The following ACSL1 variants were observed in gnomAD, a reference collection of about 807,000 sequenced individuals.
ACSL1 encodes acyl-CoA synthetase long chain family member 1, also known as long-chain-fatty-acid--CoA ligase 1.
Under a neutral mutation model 98.4 loss-of-function variants are expected in ACSL1, and 41 were observed. The observed-to-expected ratio is 0.42, with a 90% CI of 0.32 to 0.54. The LOEUF is 0.54. Among genes scored for constraint, ACSL1 ranks in the 20% least tolerant of loss-of-function variants. The probability of loss-of-function intolerance (pLI) is 0.13; values close to 1 mark genes in which losing one functional copy is unlikely to be tolerated. For synonymous variants in ACSL1, 316 were observed against 322.7 expected (o/e 0.98, Z 0.22); for missense variants, 734 against 883.1 (o/e 0.83, Z 2.14).
intron 1 of ACSL1, chr4:184,815,030 A>C (rs542207214): frequency 4.4e-6 from 2 of 456,322 alleles, no homozygotes; most frequent in African/African-American, 4.0e-5. Flanking sequence ...AGTTTAGGAT[A>C]TCAATGAAGA....
At chr4:184,799,551 A>G (rs1470301733) in intron 2 of ACSL1, among the ~76,000 whole-genome samples, 1 of 152,120 alleles carries the variant, frequency 6.6e-6, no homozygotes, top group African/African-American at 2.4e-5. Flanking sequence ...TCCATTTTCA[A>G]AAGATCCTGC....
At chr4:184,762,336 A>G in intron 17 of ACSL1, 71 bp downstream of exon 17, 1 of 1,305,082 alleles carries the variant, frequency 7.7e-7, no homozygotes, top group Non-Finnish European at 1.1e-6. Context: ...TGGCAGCTGC[A>G]CAGTAGATAA....
Position 184,755,660 on chromosome 4 carries a change from T to C in ACSL1, c.*1465A>G, listed in dbSNP as rs780805700. 9.2e-5 allele frequency: 14 copies of C among 152,698 alleles called. No individual in the cohort carries two copies. The highest frequency in any genetic ancestry group is 1.6e-4 in the Non-Finnish European group (11 of 68,054). The allele number at this position is 152,698 out of a possible 1,614,324, so 9.5% of individuals were successfully genotyped here. On this transcript the variant is annotated 3_prime_UTR_variant, in exon 21 of 21. Coordinates refer to ENST00000281455, the MANE Select transcript of ACSL1 (RefSeq NM_001995.5). ...TGTTTTTGGAAATTTTGTTTTGGTTTATAAAACATAGAAATAGCCAACACT... is the reference window on the plus strand; with the variant it reads ...TGTTTTTGGAAATTTTGTTTTGGTTCATAAAACATAGAAATAGCCAACACT...
At chr4:184,812,972 C>T (rs770221435) in intron 1 of ACSL1, among the ~76,000 whole-genome samples, 17 of 152,070 alleles carry the variant, frequency 1.1e-4, no homozygotes, top group African/African-American at 2.9e-4. Flanking sequence ...AGCTAGTGGG[C>T]GGCCACCTGA....
chr4:184,815,175 T>C (rs1228725967), intron 1 of ACSL1: 1 of 450,868 alleles, frequency 2.2e-6, no homozygotes, highest in East Asian at 7.0e-5. Context: ...GGGAGGGCTG[T>C]CCAGAGAGCT....
intron 1 of ACSL1, among the ~76,000 whole-genome samples, chr4:184,810,309 C>CT: frequency 6.6e-6 from 1 of 152,230 alleles, no homozygotes; most frequent in Non-Finnish European, 1.5e-5. Flanking sequence ...AAGGTGCCCT[C>CT]TCTCCCCGAG....
chr4:184,764,846 G>A lies in ACSL1; in HGVS notation c.1432+7C>T. 1.2e-6 allele frequency: 2 copies of A among 1,612,662 alleles called. No individual in the cohort carries two copies. The highest frequency in any genetic ancestry group is 1.7e-6 in the Non-Finnish European group (2 of 1,179,388). On this transcript the variant is annotated splice_region_variant and intron_variant, in intron 15 of 20. Coordinates refer to ENST00000281455, the MANE Select transcript of ACSL1 (RefSeq NM_001995.5). ...AAATTCCAAAAAGGAGCCTCCTACA[G>A]CCATACCTGCGGTCCAGTCTCCAGG... is the stretch of plus-strand genomic sequence containing the variant.
intron 1 of ACSL1, among the ~76,000 whole-genome samples, chr4:184,809,361 A>T (rs550857814): frequency 1.3e-5 from 2 of 152,212 alleles, no homozygotes; most frequent in Non-Finnish European, 2.9e-5. Context: ...GATCTCAAAC[A>T]CAATATGTCG....
At chr4:184,799,973 T>G (rs1005165015) in intron 2 of ACSL1, among the ~76,000 whole-genome samples, 3 of 152,190 alleles carry the variant, frequency 2.0e-5, no homozygotes, top group African/African-American at 7.2e-5. Flanking sequence ...CCCAAAGCCC[T>G]AGTTATAATA....
intron 5 of ACSL1, among the ~76,000 whole-genome samples, chr4:184,777,988 T>C (rs865887909): frequency 2.0e-5 from 3 of 152,004 alleles, no homozygotes; most frequent in Non-Finnish European, 4.4e-5. Context: ...CTGTATGCCC[T>C]GGAATAGGGG....
chr4:184,801,142 A>C (rs931454896), intron 2 of ACSL1, among the ~76,000 whole-genome samples: 1 of 152,128 alleles, frequency 6.6e-6, no homozygotes, highest in Non-Finnish European at 1.5e-5. Flanking sequence ...AGCATGTGCC[A>C]CTGCACCCAG....
intron 15 of ACSL1, among the ~76,000 whole-genome samples, chr4:184,763,533 T>A (rs1763154735): frequency 6.6e-6 from 1 of 152,198 alleles, no homozygotes; most frequent in South Asian, 2.1e-4. Context: ...TACAAACACC[T>A]GGAAGCAGCC....
At chr4:184,823,943 T>C (rs906932435) in intron 1 of ACSL1, among the ~76,000 whole-genome samples, 5 of 152,174 alleles carry the variant, frequency 3.3e-5, no homozygotes, top group African/African-American at 1.2e-4. Context: ...ATGGTATAAA[T>C]AGATACCTAA....
At chr4:184,811,404 G>T (rs72695681) in intron 1 of ACSL1, among the ~76,000 whole-genome samples, 1 of 151,606 alleles carries the variant, frequency 6.6e-6, no homozygotes, top group African/African-American at 2.4e-5. Context: ...GAGCCACCGC[G>T]CCCAGCTGCA....
At chr4:184,804,587 GAA>G (rs56884755) in intron 1 of ACSL1, among the ~76,000 whole-genome samples, 2,907 of 94,218 alleles carry the variant, frequency 0.031, 89 homozygotes, top group African/African-American at 0.094. Context: ...TCTCAAAAAA[GAA>G]AAAAAAAAAA....
intron 2 of ACSL1, among the ~76,000 whole-genome samples, chr4:184,790,425 G>GTGCTAC (rs1768150787): frequency 6.6e-6 from 1 of 152,080 alleles, no homozygotes; most frequent in African/African-American, 2.4e-5. Flanking sequence ...TGTGCTACAT[G>GTGCTAC]TGTGTATTTC....
chr4:184,776,440 C>T (rs1364502644), intron 7 of ACSL1, 44 bp downstream of exon 7: 2 of 1,586,828 alleles, frequency 1.3e-6, no homozygotes, highest in South Asian at 2.3e-5. Context: ...CCAACACGGC[C>T]CCAGGGAAAG....
intron 14 of ACSL1, among the ~76,000 whole-genome samples, chr4:184,765,646 G>A (rs1763478171): frequency 2.0e-5 from 3 of 152,114 alleles, no homozygotes; most frequent in Admixed American, 6.5e-5. Flanking sequence ...GATTCCAAGT[G>A]TTCTCACCAC....
intron 1 of ACSL1, chr4:184,813,598 AGC>A: frequency 3.7e-6 from 1 of 270,100 alleles, no homozygotes; most frequent in Non-Finnish European, 7.8e-6. Context: ...AGAACATGAC[AGC>A]ATGTTCTAAG....
Sources: allele counts gnomAD v4.1 joint callset (sites outside exome capture counted in the v4.1 genomes callset), GRCh38; gene constraint gnomAD v4.1.1; transcripts MANE v1.5; gene names NCBI Gene and HGNC (gene_info 2026-07-23, HGNC 2026-07-21).